RBFOX3: variants seen among roughly 807,000 people sequenced by gnomAD.
RBFOX3 encodes the protein RNA binding protein fox-1 homolog 3.
Under a neutral mutation model 48.7 loss-of-function variants are expected in RBFOX3, and 17 were observed. The ratio of observed to expected loss-of-function variants is 0.35; its 90% confidence interval spans 0.24 to 0.52. The LOEUF (loss-of-function observed/expected upper bound fraction) is 0.52, where lower values mean the gene tolerates loss of function less well. Ranked by LOEUF, RBFOX3 falls within the 20% of genes least tolerant of loss-of-function variation. RBFOX3 has a pLI of 0.94. For synonymous variants in RBFOX3, 212 were observed against 209.5 expected (o/e 1.01, Z -0.10); for missense variants, 382 against 497.5 (o/e 0.77, Z 2.21).
intron 4 of RBFOX3, among the ~76,000 whole-genome samples, chr17:79,148,164 G>A (rs550863754): frequency 2.3e-4 from 35 of 152,288 alleles, no homozygotes; most frequent in African/African-American, 7.9e-4. Flanking sequence ...TTTTGGGAGC[G>A]GTCATGGCTA....
At chr17:79,528,669 A>C (rs1471295561) in intron 1 of RBFOX3, among the ~76,000 whole-genome samples, 5 of 151,916 alleles carry the variant, frequency 3.3e-5, no homozygotes, top group African/African-American at 1.2e-4. Context: ...GGATGCAGAG[A>C]CACATGTATC....
chr17:79,445,007 T>C (rs2071941912), intron 2 of RBFOX3, among the ~76,000 whole-genome samples: 2 of 152,174 alleles, frequency 1.3e-5, no homozygotes, highest in African/African-American at 4.8e-5. Context: ...TCACACACTC[T>C]GTGGCCTTAT....
intron 2 of RBFOX3, among the ~76,000 whole-genome samples, chr17:79,462,828 CAG>C (rs782069180): frequency 2.6e-5 from 4 of 152,202 alleles, no homozygotes; most frequent in Non-Finnish European, 4.4e-5. Flanking sequence ...AAAGCTCACA[CAG>C]AGCGTCTCCA....
intron 1 of RBFOX3, among the ~76,000 whole-genome samples, chr17:79,529,686 C>T (rs1037485537): frequency 1.3e-5 from 2 of 152,148 alleles, no homozygotes; most frequent in Admixed American, 6.5e-5. Flanking sequence ...CTGGGGACAC[C>T]GCTGAGATGA....
chr17:79,320,608 C>T (rs967779518), intron 2 of RBFOX3, among the ~76,000 whole-genome samples: 1 of 152,216 alleles, frequency 6.6e-6, no homozygotes, highest in African/African-American at 2.4e-5. Context: ...CCTCCCATCC[C>T]TCCAAAATCC....
the RBFOX3 span, among the ~76,000 whole-genome samples, chr17:79,625,445 AATCAAGGCACT>A: frequency 4.6e-5 from 7 of 152,196 alleles, no homozygotes. Context: ...GGGTATCGTA[AATCAAGGCACT>A]ATCAACATTT....
chr17:79,544,975 CAA>C lies in RBFOX3; in HGVS notation c.-319-62379_-319-62378del, dbSNP rs10584963. 7.7e-3 allele frequency among the ~76,000 whole-genome samples: 627 copies of C among 81,586 alleles called. 8 individuals carry two copies. The highest frequency in any genetic ancestry group is 0.025 in the African/African-American group (550 of 21,576). The allele number at this position is 81,586 out of a possible 152,430, so 53.5% of individuals were successfully genotyped here. ...CCACCACCCACCACATCATTAAGGG[CAA>C]AAAAAAAAAAAAAAAAAGAGAAAGA... On this transcript the variant is annotated intron_variant, in intron 1 of 14. Transcript: ENST00000693108.
chr17:79,498,496 C>CCCAT (rs2081905186), intron 1 of RBFOX3, among the ~76,000 whole-genome samples: 4 of 146,080 alleles, frequency 2.7e-5, no homozygotes, highest in African/African-American at 1.0e-4. Context: ...CATAAGCCTA[C>CCCAT]CCATCCATCC....
intron 2 of RBFOX3, among the ~76,000 whole-genome samples, chr17:79,340,223 C>T (rs957591775): frequency 2.0e-4 from 30 of 149,476 alleles, no homozygotes; most frequent in African/African-American, 7.4e-4. Context: ...TGCTTGAACC[C>T]GGGAGGTGGA....
intron 13 of RBFOX3, among the ~76,000 whole-genome samples, chr17:79,094,862 AC>A (rs2074855086): frequency 6.6e-6 from 1 of 151,794 alleles, no homozygotes; most frequent in Admixed American, 6.6e-5. Flanking sequence ...ACAAACTTCC[AC>A]CCCAAAAAGA....
At chr17:79,530,084 G>T (rs1381332451) in intron 1 of RBFOX3, among the ~76,000 whole-genome samples, 2 of 152,224 alleles carry the variant, frequency 1.3e-5, no homozygotes, top group Non-Finnish European at 1.5e-5. Flanking sequence ...CTTCCACAAA[G>T]CCTGGATGGA....
At chr17:79,416,977 C>T (rs2065471964) in intron 2 of RBFOX3, among the ~76,000 whole-genome samples, 1 of 152,176 alleles carries the variant, frequency 6.6e-6, no homozygotes, top group Admixed American at 6.5e-5. Flanking sequence ...CCTGGTAAGC[C>T]CCAGGCCCCT....
At chr17:79,577,080 C>T (rs1262383510) in intron 1 of RBFOX3, among the ~76,000 whole-genome samples, 1 of 152,186 alleles carries the variant, frequency 6.6e-6, no homozygotes, top group Non-Finnish European at 1.5e-5. Context: ...GGAGGTCTCA[C>T]TCTGGACTCT....
At chr17:79,432,922 G>A (rs189886081) in intron 2 of RBFOX3, among the ~76,000 whole-genome samples, 4 of 152,310 alleles carry the variant, frequency 2.6e-5, no homozygotes, top group Admixed American at 2.0e-4. Context: ...CGTGAAAGAC[G>A]TCCTTAAGTA....
intron 1 of RBFOX3, among the ~76,000 whole-genome samples, chr17:79,510,192 G>C (rs1329135205): frequency 1.3e-5 from 2 of 152,112 alleles, no homozygotes; most frequent in East Asian, 3.9e-4. Context: ...TGTCGACAGA[G>C]GTGCCACGGA....
intron 8 of RBFOX3, among the ~76,000 whole-genome samples, chr17:79,101,956 C>CA (rs1167699734): frequency 1.3e-5 from 2 of 152,238 alleles, no homozygotes; most frequent in African/African-American, 4.8e-5. Flanking sequence ...GGACTCTCCA[C>CA]AGAGTGCTCT....
Position 79,103,956 on chromosome 17 carries a change from T to A in RBFOX3, c.414+117A>T. The stretch of plus-strand genomic sequence containing the variant: ...GAAGAGCGGGGAATACAAGCACCCG[T>A]GTCGCTCAGGGGTCCTCGGGCGCGA... On this transcript the variant is annotated intron_variant, in intron 7 of 14. Coordinates refer to ENST00000693108, the MANE Select transcript of RBFOX3 (RefSeq NM_001350451.2). This position sits in a 1 kb window ranked among gnomAD's most constrained non-coding sequence, Gnocchi z 6.1. 1 of 817,662 alleles carries A rather than the reference T, an allele frequency of 1.2e-6. No individual in the cohort carries two copies. Among genetic ancestry groups the A allele is most frequent in the Non-Finnish European group, 2.0e-6 (1 of 491,574 alleles). The allele number at this position is 817,662 out of a possible 1,614,324, so 50.7% of individuals were successfully genotyped here.
At chr17:79,210,751 G>A (rs2058270055) in intron 4 of RBFOX3, among the ~76,000 whole-genome samples, 2 of 152,260 alleles carry the variant, frequency 1.3e-5, no homozygotes, top group Admixed American at 1.3e-4. Flanking sequence ...CTGGTGCCTG[G>A]TGGGGATGTG....
At chr17:79,258,249 C>T (rs576611896) in intron 3 of RBFOX3, among the ~76,000 whole-genome samples, 3 of 152,340 alleles carry the variant, frequency 2.0e-5, no homozygotes, top group South Asian at 4.1e-4. Context: ...CAGGGAGCAC[C>T]ACACTGACAG....
Sources: allele counts gnomAD v4.1 joint callset (sites outside exome capture counted in the v4.1 genomes callset), GRCh38; gene constraint gnomAD v4.1.1; non-coding constraint Gnocchi (gnomAD v3.1); transcripts MANE v1.5; gene names NCBI Gene and HGNC (gene_info 2026-07-23, HGNC 2026-07-21).